NTRK3: variants seen among roughly 807,000 people sequenced by gnomAD.
NTRK3 encodes the protein NT-3 growth factor receptor.
A neutral mutation model predicts 91.7 loss-of-function variants in NTRK3; 24 were observed. The ratio of observed to expected loss-of-function variants is 0.26; its 90% CI spans 0.19 to 0.37. The LOEUF (loss-of-function observed/expected upper bound fraction) is 0.37, where lower values mean the gene tolerates loss of function less well. Among genes scored for constraint, NTRK3 ranks in the 10% least tolerant of loss-of-function variants. The probability of loss-of-function intolerance (pLI) is 1.00; values close to 1 mark genes in which losing one functional copy is unlikely to be tolerated. For missense variants in NTRK3, 880 were observed against 1,068.9 expected, an observed-to-expected ratio of 0.82 and a Z score of 2.46; for synonymous variants, 483 against 404.0, an observed-to-expected ratio of 1.20 and a Z score of -2.34.
At chr15:88,136,706 C>A in intron 7 of NTRK3, 97 bp from the exon 8 acceptor site, 1 of 1,453,748 alleles carries the variant, frequency 6.9e-7, no homozygotes, top group East Asian at 2.5e-5. Context: ...CTTGCCTTGC[C>A]CAGTAATGAC....
chr15:88,112,157 T>C (rs957437722), intron 13 of NTRK3, among the ~76,000 whole-genome samples: 51 of 152,250 alleles, frequency 3.3e-4, no homozygotes, highest in Non-Finnish European at 4.9e-4. Flanking sequence ...CCGCCCGCCT[T>C]GGCCTCCCAA....
intron 17 of NTRK3, among the ~76,000 whole-genome samples, chr15:87,917,653 G>A (rs1388040387): frequency 6.6e-6 from 1 of 152,174 alleles, no homozygotes; most frequent in African/African-American, 2.4e-5. Flanking sequence ...TCATGGGGGT[G>A]GATCCCTGAG....
chr15:88,058,432 G>A (rs2045918571), intron 13 of NTRK3, among the ~76,000 whole-genome samples: 1 of 152,166 alleles, frequency 6.6e-6, no homozygotes, highest in Admixed American at 6.5e-5. Flanking sequence ...TATCATAAGT[G>A]GGACTGAACA....
chr15:88,082,245 T>G, intron 13 of NTRK3, among the ~76,000 whole-genome samples: 1 of 144,122 alleles, frequency 6.9e-6, no homozygotes, highest in East Asian at 2.0e-4. Context: ...GCCACTGCAC[T>G]CCAGCCTGGG....
At chr15:87,921,721 C>T (rs890619799) in intron 17 of NTRK3, among the ~76,000 whole-genome samples, 1 of 152,074 alleles carries the variant, frequency 6.6e-6, no homozygotes, top group African/African-American at 2.4e-5. Context: ...CGCATGGGGC[C>T]ACAACCCCTT....
At chr15:88,011,672 T>C (rs965330167) in intron 14 of NTRK3, among the ~76,000 whole-genome samples, 1 of 152,148 alleles carries the variant, frequency 6.6e-6, no homozygotes, top group African/African-American at 2.4e-5. Context: ...GCCACTGAAT[T>C]ACGTCAGCAC....
At chr15:87,894,174 C>T (rs182355519) in intron 17 of NTRK3, among the ~76,000 whole-genome samples, 52 of 152,304 alleles carry the variant, frequency 3.4e-4, no homozygotes, top group Non-Finnish European at 6.5e-4. Flanking sequence ...TCTGGTTTCC[C>T]ACATGCCCCA....
chr15:88,131,107 C>T (rs2041289870), intron 10 of NTRK3, among the ~76,000 whole-genome samples: 1 of 152,208 alleles, frequency 6.6e-6, no homozygotes, highest in South Asian at 2.1e-4. Context: ...GTTTCTAATT[C>T]AGTAGACCTG....
chr15:88,128,585 C>G, intron 11 of NTRK3, 126 bp downstream of exon 11: 1 of 998,660 alleles, frequency 1.0e-6, no homozygotes, highest in East Asian at 2.4e-5. Context: ...TCACAGTTCA[C>G]TCAGATGCCC....
exon 3 of NTRK3, chr15:88,256,054 C>T (rs766063980): frequency 1.6e-5 from 26 of 1,613,354 alleles, no homozygotes; most frequent in South Asian, 2.2e-5. Flanking sequence ...ACACAATTTG[C>T]AGGGCAAGCC....
intron 3 of NTRK3, among the ~76,000 whole-genome samples, chr15:88,242,172 C>T (rs895591277): frequency 1.3e-5 from 2 of 152,202 alleles, no homozygotes; most frequent in East Asian, 3.8e-4. Context: ...CTGGGGTCAC[C>T]TTCCAAATAA....
intron 13 of NTRK3, among the ~76,000 whole-genome samples, chr15:88,088,697 ATG>A (rs1405387512): frequency 6.6e-6 from 1 of 152,176 alleles, no homozygotes; most frequent in African/African-American, 2.4e-5. Flanking sequence ...GTCAGACCAA[ATG>A]TGGACTGTGA....
intron 17 of NTRK3, among the ~76,000 whole-genome samples, chr15:87,916,995 C>T (rs1183113926): frequency 6.6e-6 from 1 of 152,194 alleles, no homozygotes; most frequent in Non-Finnish European, 1.5e-5. Context: ...AGCTCCTAAC[C>T]TCAAGTGATC....
intron 17 of NTRK3, among the ~76,000 whole-genome samples, chr15:87,899,747 C>T (rs1050392236): frequency 6.6e-6 from 1 of 152,162 alleles, no homozygotes; most frequent in Non-Finnish European, 1.5e-5. Flanking sequence ...AAAGGGTAGT[C>T]GGATGCACAT....
intron 5 of NTRK3, among the ~76,000 whole-genome samples, chr15:88,159,965 C>G: frequency 6.6e-6 from 1 of 150,922 alleles, no homozygotes; most frequent in East Asian, 2.0e-4. Context: ...CACACACACA[C>G]ACACACACAC....
At chr15:88,148,150 G>A (rs1044772587) in intron 5 of NTRK3, among the ~76,000 whole-genome samples, 20 of 152,268 alleles carry the variant, frequency 1.3e-4, no homozygotes, top group Admixed American at 1.2e-3. Context: ...ATTCCATTTA[G>A]GTAAATATCT....
At chr15:87,944,822 G>C (rs1213354763) in intron 14 of NTRK3, among the ~76,000 whole-genome samples, 1 of 152,234 alleles carries the variant, frequency 6.6e-6, no homozygotes, top group Non-Finnish European at 1.5e-5. Flanking sequence ...GGGAGGAAGA[G>C]CCTCTGCTCA....
chr15:88,141,711 G>A (rs2042403135), intron 6 of NTRK3, among the ~76,000 whole-genome samples: 1 of 152,376 alleles, frequency 6.6e-6, no homozygotes, highest in Admixed American at 6.5e-5. Flanking sequence ...TCCCTGCACT[G>A]CTGCACATCC....
At chr15:87,976,061 A>G (rs1190045294) in intron 14 of NTRK3, among the ~76,000 whole-genome samples, 1 of 152,026 alleles carries the variant, frequency 6.6e-6, no homozygotes, top group Non-Finnish European at 1.5e-5. Context: ...CTTCTCCCAT[A>G]CACTGATAGG....
Sources: gnomAD v4.1 joint callset for allele counts (sites outside exome capture counted in the v4.1 genomes callset) on GRCh38, gnomAD v4.1.1 for gene constraint, MANE v1.5 for transcripts, NCBI Gene and HGNC (gene_info 2026-07-23, HGNC 2026-07-21) for gene names.